COL22A1: variants seen among roughly 807,000 people sequenced by gnomAD.
The protein encoded by COL22A1 is collagen type XXII alpha 1 chain.
In COL22A1, 221 loss-of-function variants were observed where a neutral mutation model predicts 248.9. The ratio of observed to expected loss-of-function variants is 0.89; its 90% CI spans 0.80 to 0.99. The LOEUF is 0.99. Among genes scored for constraint, COL22A1 ranks in the 50% least tolerant of loss-of-function variants. The probability of loss-of-function intolerance (pLI) is 0.00; values close to 1 mark genes in which losing one functional copy is unlikely to be tolerated. For missense variants in COL22A1, 2,240 were observed against 2,179.0 expected, an observed-to-expected ratio of 1.03 and a Z score of -0.56; for synonymous variants, 891 against 793.4, an observed-to-expected ratio of 1.12 and a Z score of -2.07.
intron 49 of COL22A1, among the ~76,000 whole-genome samples, chr8:138,631,599 G>A (rs6990723): frequency 0.038 from 5,848 of 152,258 alleles, 118 homozygotes; most frequent in Non-Finnish European, 0.052. Context: ...CTATGCAGCC[G>A]AGCAAGCAGC....
chr8:138,883,961 C>A (rs1208702919), intron 1 of COL22A1, among the ~76,000 whole-genome samples: 5 of 152,334 alleles, frequency 3.3e-5, no homozygotes, highest in Admixed American at 6.5e-5. Flanking sequence ...TCTACCCACC[C>A]TGTCCAGCCT....
At chr8:138,619,529 A>T in intron 52 of COL22A1, 21 bp from the exon 53 acceptor site, 1 of 1,612,046 alleles carries the variant, frequency 6.2e-7, no homozygotes. Context: ...GGAAGAAAAG[A>T]AGAGTTTGAG....
intron 13 of COL22A1, among the ~76,000 whole-genome samples, chr8:138,780,153 C>T (rs1425210026): frequency 6.6e-6 from 1 of 152,166 alleles, no homozygotes; most frequent in South Asian, 2.1e-4. Context: ...TAAAAACTGG[C>T]GCCACCCTGA....
At chr8:138,733,923 C>G (rs1563684082) in intron 23 of COL22A1, among the ~76,000 whole-genome samples, 1 of 152,164 alleles carries the variant, frequency 6.6e-6, no homozygotes, top group Non-Finnish European at 1.5e-5. Flanking sequence ...GGACAGGACA[C>G]TACCTCTCTG....
intron 50 of COL22A1, 77 bp downstream of exon 50, chr8:138,630,618 C>T: frequency 8.0e-7 from 1 of 1,244,334 alleles, no homozygotes; most frequent in Admixed American, 1.7e-5. Context: ...AGGACAAGAG[C>T]AGAATTGGCA....
intron 3 of COL22A1, among the ~76,000 whole-genome samples, chr8:138,859,573 C>T (rs974204383): frequency 1.3e-5 from 2 of 152,198 alleles, no homozygotes; most frequent in Non-Finnish European, 1.5e-5. Context: ...ACAAAACCAG[C>T]CACAAAACAG....
intron 34 of COL22A1, 138 bp downstream of exon 34, chr8:138,694,370 A>G: frequency 1.1e-6 from 1 of 884,378 alleles, no homozygotes; most frequent in Admixed American, 1.7e-5. Flanking sequence ...CAGCCTCTGC[A>G]GCACATTGGG....
At chr8:138,866,277 C>G (rs147729489) in intron 3 of COL22A1, among the ~76,000 whole-genome samples, 190 of 152,274 alleles carry the variant, frequency 1.2e-3, no homozygotes, top group African/African-American at 4.4e-3. Context: ...CATTCTCTGA[C>G]AAGTGTAAAA....
intron 12 of COL22A1, among the ~76,000 whole-genome samples, chr8:138,792,057 T>C (rs1816097424): frequency 6.6e-6 from 1 of 152,198 alleles, no homozygotes; most frequent in Non-Finnish European, 1.5e-5. Flanking sequence ...TTACCAAATG[T>C]TCAGTCCCTA....
chr8:138,878,939 C>T (rs1586948583), intron 2 of COL22A1, among the ~76,000 whole-genome samples: 4 of 152,032 alleles, frequency 2.6e-5, no homozygotes, highest in South Asian at 4.2e-4. Context: ...ACCCGGGAGG[C>T]GGAGCTTGTG....
At chr8:138,663,342 T>C (rs1227816004) in intron 42 of COL22A1, among the ~76,000 whole-genome samples, 2 of 152,204 alleles carry the variant, frequency 1.3e-5, no homozygotes, top group Non-Finnish European at 2.9e-5. Flanking sequence ...GCAATCCCCA[T>C]GTTGGCTCAC....
intron 2 of COL22A1, among the ~76,000 whole-genome samples, chr8:138,881,232 C>T (rs1281618210): frequency 6.6e-6 from 1 of 150,400 alleles, no homozygotes; most frequent in Non-Finnish European, 1.5e-5. Context: ...CTCATGTTCC[C>T]TGCGTATAAA....
At chr8:138,628,892 A>T (rs1319560723) in intron 50 of COL22A1, among the ~76,000 whole-genome samples, 1 of 150,994 alleles carries the variant, frequency 6.6e-6, no homozygotes, top group African/African-American at 2.5e-5. Context: ...CACTGTCCCG[A>T]GTAGCTGGGA....
chr8:138,616,877 C>T (rs775756861), intron 54 of COL22A1, 37 bp downstream of exon 54: 1 of 1,613,222 alleles, frequency 6.2e-7, no homozygotes, highest in African/African-American at 1.3e-5. Context: ...AAGCTCTGCC[C>T]ACCTGGGGGG....
intron 9 of COL22A1, among the ~76,000 whole-genome samples, chr8:138,808,973 G>C (rs903279117): frequency 3.9e-5 from 6 of 152,184 alleles, no homozygotes; most frequent in Non-Finnish European, 8.8e-5. Flanking sequence ...AAACTCAATT[G>C]AAGTTTTAAA....
At chr8:138,806,065 G>GT (rs1554632223) in intron 10 of COL22A1, among the ~76,000 whole-genome samples, 115 of 6,186 alleles carry the variant, frequency 0.019, 23 homozygotes, top group African/African-American at 0.03. Context: ...GGTGTGTGGT[G>GT]GTGTGTGTGA....
chr8:138,843,237 G>A (rs547390404), intron 4 of COL22A1, among the ~76,000 whole-genome samples: 44 of 152,224 alleles, frequency 2.9e-4, no homozygotes, highest in African/African-American at 9.9e-4. Context: ...AGCAGAGCAC[G>A]GTGACATGGC....
At chr8:138,661,615 C>T (rs1823965468) in intron 43 of COL22A1, among the ~76,000 whole-genome samples, 1 of 152,154 alleles carries the variant, frequency 6.6e-6, no homozygotes, top group Non-Finnish European at 1.5e-5. Flanking sequence ...AGGAACACAT[C>T]CTCACAATGA....
intron 32 of COL22A1, 83 bp downstream of exon 32, chr8:138,700,029 C>A: frequency 7.6e-7 from 1 of 1,324,180 alleles, no homozygotes; most frequent in Non-Finnish European, 1.1e-6. Context: ...CTCACCCCAC[C>A]CAGTCCAGGC....
Sources: gnomAD v4.1 joint callset for allele counts (sites outside exome capture counted in the v4.1 genomes callset) on GRCh38, gnomAD v4.1.1 for gene constraint, MANE v1.5 for transcripts, NCBI Gene and HGNC (gene_info 2026-07-23, HGNC 2026-07-21) for gene names.